Variants in C16orf96 observed in about 807,000 individuals in gnomAD.
C16orf96 encodes the protein uncharacterized protein C16orf96.
C16orf96 carries 108 observed loss-of-function variants against 103.6 expected under a neutral mutation model. The observed-to-expected ratio is 1.04, with a 90% CI of 0.89 to 1.22. C16orf96 has a LOEUF of 1.22. C16orf96 is among the 50% of genes most tolerant of loss of function. The pLI is 0.00. For missense variants in C16orf96, 1,586 were observed against 1,464.2 expected, an observed-to-expected ratio of 1.08 and a Z score of -1.36; for synonymous variants, 566 against 593.5, an observed-to-expected ratio of 0.95 and a Z score of 0.67.
In C16orf96 at chr16:4,598,447, C is replaced by T. The variant is rs1318107541; in HGVS notation, c.3128-837C>T. Among the ~76,000 whole-genome samples, 10 of 146,596 alleles carry T rather than the reference C, an allele frequency of 6.8e-5. No homozygotes were observed. In the South Asian group the frequency reaches 7.1e-4, roughly 10 times the overall value. ...GATTTCCAGGGGCTGGGGTTTGGGG[C>T]GGGGAAAGGGAGAGTGACTGCTTAA... On this transcript the variant is annotated intron_variant, in intron 14 of 15. Coordinates refer to ENST00000444310, the MANE Select transcript of C16orf96 (RefSeq NM_001145011.2).
intron 7 of C16orf96, among the ~76,000 whole-genome samples, chr16:4,583,469 G>GC (rs1350605876): frequency 6.6e-6 from 1 of 152,172 alleles, no homozygotes; most frequent in Non-Finnish European, 1.5e-5. Flanking sequence ...TCATGCCACT[G>GC]CACTCCAGCC....
chr16:4,546,089 C>T, the C16orf96 span, among the ~76,000 whole-genome samples: 2 of 151,874 alleles, frequency 1.3e-5, no homozygotes, highest in East Asian at 3.9e-4. Flanking sequence ...ACCTCATGAT[C>T]CGCCCACCCT....
chr16:4,587,271 C>A (rs1384100593), intron 8 of C16orf96, among the ~76,000 whole-genome samples, 158 bp downstream of exon 8: 1 of 152,198 alleles, frequency 6.6e-6, no homozygotes, highest in Non-Finnish European at 1.5e-5. Flanking sequence ...TGCCTGTAAT[C>A]CCAGCACTTT....
In C16orf96 at chr16:4,558,013, G is replaced by A. The variant is rs61157580; in HGVS notation, c.420+1104G>A. 6.2e-3 allele frequency among the ~76,000 whole-genome samples: 937 copies of A among 152,342 alleles called. 10 individuals are homozygous for A. The highest frequency in any genetic ancestry group is 0.021 in the African/African-American group (876 of 41,582). On this transcript the variant is annotated intron_variant, in intron 1 of 15. Coordinates refer to ENST00000444310, the MANE Select transcript of C16orf96 (RefSeq NM_001145011.2). Reference sequence around the variant, plus strand: ...AATGCCTGGAGGAGCTACCATGGGAGAAGTACCAGAGTAGTCACGGTGAAC... The same window carrying A: ...AATGCCTGGAGGAGCTACCATGGGAAAAGTACCAGAGTAGTCACGGTGAAC...
At chr16:4,571,016 CA>C in intron 1 of C16orf96, among the ~76,000 whole-genome samples, 1 of 152,112 alleles carries the variant, frequency 6.6e-6, no homozygotes, top group Non-Finnish European at 1.5e-5. Flanking sequence ...CAAACAAAAA[CA>C]AAAACAAAAA....
In C16orf96 at chr16:4,582,386, C is replaced by T. The variant is rs547335656; in HGVS notation, c.2352+2261C>T. Among the ~76,000 whole-genome samples the T allele has an allele frequency of 2.6e-5, 4 of 152,168 alleles. No individual in the cohort carries two copies. The South Asian group carries it at 8.3e-4, about 32-fold the overall frequency. On this transcript the variant is annotated intron_variant, in intron 7 of 15. Coordinates refer to ENST00000444310, the MANE Select transcript of C16orf96 (RefSeq NM_001145011.2). ...AAGTCGGGGGGCTGTTGCTGGGATGCACTGGGGTGTGTTGGGGGAAAAGGG... is the reference window on the plus strand; with the variant it reads ...AAGTCGGGGGGCTGTTGCTGGGATGTACTGGGGTGTGTTGGGGGAAAAGGG...
At chr16:4,584,845 A>T (rs1256403564) in intron 7 of C16orf96, among the ~76,000 whole-genome samples, 4 of 151,914 alleles carry the variant, frequency 2.6e-5, no homozygotes, top group African/African-American at 9.7e-5. Context: ...ATTTTTTTGT[A>T]TTTTTAGTAG....
At chr16:4,540,136 G>A in the C16orf96 span, among the ~76,000 whole-genome samples, 6 of 152,206 alleles carry the variant, frequency 3.9e-5, no homozygotes, top group African/African-American at 1.4e-4. Context: ...AACCCACTGG[G>A]TGGCTACTTG....
chr16:4,579,866 C>T, intron 6 of C16orf96, 149 bp from the exon 7 acceptor site: 1 of 610,108 alleles, frequency 1.6e-6, no homozygotes, highest in Non-Finnish European at 2.9e-6. Context: ...CCATCTTGGC[C>T]TCCCAAAGTG....
chr16:4,539,839 G>T, the C16orf96 span, among the ~76,000 whole-genome samples: 1 of 152,074 alleles, frequency 6.6e-6, no homozygotes, highest in Non-Finnish European at 1.5e-5. Flanking sequence ...GCAGTCTGAT[G>T]CACCAGCCAA....
At chr16:4,579,441 C>G (rs955571683) in intron 6 of C16orf96, among the ~76,000 whole-genome samples, 1 of 151,680 alleles carries the variant, frequency 6.6e-6, no homozygotes, top group African/African-American at 2.4e-5. Context: ...ACAGTCCCAA[C>G]TACTCGGGAG....
At chr16:4,560,922 G>C (rs1477010355) in intron 1 of C16orf96, 2 of 152,246 alleles carry the variant, frequency 1.3e-5, no homozygotes, top group Admixed American at 6.5e-5. Flanking sequence ...GGGAGGCTGA[G>C]GTGGGTGGAT....
the C16orf96 span, among the ~76,000 whole-genome samples, chr16:4,539,427 T>A: frequency 3.2e-4 from 49 of 152,358 alleles, no homozygotes; most frequent in Admixed American, 3.2e-3. Context: ...CTAACGCCTG[T>A]AATCCCAGCA....
chr16:4,594,893 A>G (rs1897139319), intron 14 of C16orf96, 90 bp downstream of exon 14: 1 of 1,360,386 alleles, frequency 7.4e-7, no homozygotes, highest in South Asian at 1.3e-5. Context: ...GCCCAGAGCC[A>G]GCACTATCCC....
chr16:4,597,768 G>C (rs1025501111), intron 14 of C16orf96, among the ~76,000 whole-genome samples: 2 of 152,134 alleles, frequency 1.3e-5, no homozygotes, highest in Non-Finnish European at 2.9e-5. Context: ...TGTTGGCCAG[G>C]CTGGTCTCAA....
At chr16:4,543,162 C>CA in the C16orf96 span, among the ~76,000 whole-genome samples, 1 of 152,136 alleles carries the variant, frequency 6.6e-6, no homozygotes, top group Non-Finnish European at 1.5e-5. Context: ...AGGAAGGCTT[C>CA]AGAGAGGAGG....
At chr16:4,579,892 T>C in intron 6 of C16orf96, 123 bp from the exon 7 acceptor site, 1 of 768,938 alleles carries the variant, frequency 1.3e-6, no homozygotes, top group South Asian at 1.7e-5. Context: ...ATTACAGGCA[T>C]GAGCCACCAC....
chr16:4,569,656 C>T (rs146086519), intron 1 of C16orf96, among the ~76,000 whole-genome samples: 2,476 of 146,612 alleles, frequency 0.017, 71 homozygotes, highest in African/African-American at 0.058. Flanking sequence ...CACTTGAACC[C>T]GGGAGGTGAA....
chr16:4,576,785 C>T (rs2059515771), intron 5 of C16orf96, 150 bp downstream of exon 5: 2 of 802,564 alleles, frequency 2.5e-6, no homozygotes, highest in Non-Finnish European at 3.9e-6. Flanking sequence ...GCATTTGGCT[C>T]TTAACGAGTC....
Sources: allele counts gnomAD v4.1 joint callset (sites outside exome capture counted in the v4.1 genomes callset), GRCh38; gene constraint gnomAD v4.1.1; transcripts MANE v1.5; gene names NCBI Gene and HGNC (gene_info 2026-07-23, HGNC 2026-07-21).